Variants in MGAT4C observed in about 807,000 individuals in gnomAD.
The protein encoded by MGAT4C is MGAT4 family member C.
Under a neutral mutation model 40.1 loss-of-function variants are expected in MGAT4C, and 19 were observed. The ratio of observed to expected loss-of-function variants is 0.47; its 90% confidence interval spans 0.33 to 0.70. MGAT4C has a LOEUF of 0.70. Ranked by LOEUF, MGAT4C falls within the 30% of genes least tolerant of loss-of-function variation. The pLI is 0.02. For synonymous variants in MGAT4C, 181 were observed against 187.1 expected, an observed-to-expected ratio of 0.97 and a Z score of 0.27; for missense variants, 491 against 563.2, an observed-to-expected ratio of 0.87 and a Z score of 1.30.
At chr12:86,101,074 C>T (rs1476147550) in intron 1 of MGAT4C, among the ~76,000 whole-genome samples, 4 of 151,516 alleles carry the variant, frequency 2.6e-5, no homozygotes, top group African/African-American at 9.7e-5. Flanking sequence ...ATTTCATATT[C>T]TTTTTCATTC....
intron 1 of MGAT4C, among the ~76,000 whole-genome samples, chr12:86,741,859 A>T (rs982498718): frequency 1.1e-4 from 16 of 151,478 alleles, no homozygotes; most frequent in African/African-American, 3.6e-4. Context: ...CATGAACAGT[A>T]GAATTTATTT....
At chr12:86,584,446 T>C (rs1960922501) in intron 2 of MGAT4C, among the ~76,000 whole-genome samples, 1 of 151,142 alleles carries the variant, frequency 6.6e-6, no homozygotes, top group Admixed American at 6.6e-5. Flanking sequence ...TATATGAATA[T>C]ATTATTCTGT....
upstream of MGAT4C, among the ~76,000 whole-genome samples, chr12:86,258,058 C>A (rs1228166230): frequency 2.0e-5 from 3 of 151,708 alleles, no homozygotes; most frequent in African/African-American, 7.3e-5. Flanking sequence ...CAATCAAATG[C>A]GTTAATTTTA....
chr12:86,743,928 C>A (rs1030450348), intron 1 of MGAT4C, among the ~76,000 whole-genome samples: 3 of 151,546 alleles, frequency 2.0e-5, no homozygotes, highest in African/African-American at 7.3e-5. Context: ...AAGTGGCACA[C>A]TCAAAATGTA....
At chr12:86,092,238 A>G (rs1019185496) in intron 1 of MGAT4C, among the ~76,000 whole-genome samples, 7 of 152,176 alleles carry the variant, frequency 4.6e-5, no homozygotes, top group African/African-American at 7.2e-5. Context: ...GACATGCAGA[A>G]GCAATCATGG....
At chr12:86,787,425 A>T (rs1276796163) in intron 1 of MGAT4C, among the ~76,000 whole-genome samples, 2 of 152,168 alleles carry the variant, frequency 1.3e-5, no homozygotes, top group Admixed American at 6.6e-5. Flanking sequence ...ATAGTGCTGC[A>T]ATAAATATAC....
At chr12:86,460,212 TTG>T (rs1957577665) in intron 2 of MGAT4C, among the ~76,000 whole-genome samples, 1 of 152,020 alleles carries the variant, frequency 6.6e-6, no homozygotes, top group Non-Finnish European at 1.5e-5. Flanking sequence ...ACAAAAAAAG[TTG>T]TGAGTGGTAA....
chr12:86,508,182 A>G (rs1030628666), intron 2 of MGAT4C, among the ~76,000 whole-genome samples: 2 of 152,036 alleles, frequency 1.3e-5, no homozygotes, highest in African/African-American at 4.8e-5. Flanking sequence ...AGCATTAGGT[A>G]TATCTCCTAA....
chr12:86,232,731 A>G (rs1951377164), intron 1 of MGAT4C, among the ~76,000 whole-genome samples: 1 of 152,230 alleles, frequency 6.6e-6, no homozygotes, highest in South Asian at 2.1e-4. Flanking sequence ...TCTGGTATTG[A>G]ATCAATGAGT....
chr12:86,667,046 A>G (rs1964127341), intron 2 of MGAT4C, among the ~76,000 whole-genome samples: 1 of 152,238 alleles, frequency 6.6e-6, no homozygotes, highest in Admixed American at 6.5e-5. Context: ...AAATTGCTCT[A>G]TACCACTGCT....
intron 1 of MGAT4C, among the ~76,000 whole-genome samples, chr12:86,251,207 G>C (rs1436936061): frequency 6.7e-6 from 1 of 149,454 alleles, no homozygotes; most frequent in African/African-American, 2.5e-5. Context: ...CCGGTAGTCT[G>C]GTCCCAGACT....
intron 2 of MGAT4C, among the ~76,000 whole-genome samples, chr12:86,615,351 G>A (rs973258954): frequency 2.6e-5 from 4 of 151,904 alleles, no homozygotes; most frequent in African/African-American, 9.7e-5. Flanking sequence ...GGGGTTGGAG[G>A]GTGCTTAAGA....
chr12:86,414,658 C>A (rs2136248977), intron 3 of MGAT4C, among the ~76,000 whole-genome samples: 1 of 152,150 alleles, frequency 6.6e-6, no homozygotes, highest in East Asian at 1.9e-4. Context: ...ATCATTGTGT[C>A]TTTTCTTGTT....
chr12:86,397,415 T>C (rs1344515458), intron 3 of MGAT4C, among the ~76,000 whole-genome samples: 1 of 152,140 alleles, frequency 6.6e-6, no homozygotes, highest in Admixed American at 6.5e-5. Context: ...CTTTACTGGT[T>C]TCTCTAGGTA....
chr12:86,629,080 GA>G (rs970665761), intron 2 of MGAT4C, among the ~76,000 whole-genome samples: 5 of 149,216 alleles, frequency 3.4e-5, no homozygotes, highest in Admixed American at 2.0e-4. Context: ...CAAATGGAAA[GA>G]AAAAAAAACC....
chr12:86,246,537 G>T (rs1009484237), intron 1 of MGAT4C, among the ~76,000 whole-genome samples: 8 of 151,832 alleles, frequency 5.3e-5, no homozygotes, highest in Non-Finnish European at 1.2e-4. Flanking sequence ...CTATATTTTT[G>T]GATATATTGC....
intron 2 of MGAT4C, among the ~76,000 whole-genome samples, chr12:86,688,157 CTTTTTTTTTT>C (rs55637680): frequency 6.1e-5 from 4 of 65,188 alleles, no homozygotes; most frequent in Non-Finnish European, 1.1e-4. Context: ...GCAACCCCTG[CTTTTTTTTTT>C]TTTTTTTTTT....
intron 1 of MGAT4C, among the ~76,000 whole-genome samples, chr12:86,789,391 A>C (rs1951985546): frequency 6.6e-6 from 1 of 152,104 alleles, no homozygotes; most frequent in African/African-American, 2.4e-5. Context: ...TCACATAAAC[A>C]AAACTTCCTG....
At chr12:86,595,718 C>G (rs1961511597) in intron 2 of MGAT4C, among the ~76,000 whole-genome samples, 1 of 152,108 alleles carries the variant, frequency 6.6e-6, no homozygotes, top group Non-Finnish European at 1.5e-5. Flanking sequence ...TTAACAAAGA[C>G]TGTGATTCTG....
Sources: gnomAD v4.1 joint callset for allele counts (sites outside exome capture counted in the v4.1 genomes callset) on GRCh38, gnomAD v4.1.1 for gene constraint, MANE v1.5 for transcripts, NCBI Gene and HGNC (gene_info 2026-07-23, HGNC 2026-07-21) for gene names.